HELZ: variants seen among roughly 807,000 people sequenced by gnomAD.
HELZ encodes the protein ATP-dependent RNA helicase with zinc finger domain.
Under a neutral mutation model 218.2 loss-of-function variants are expected in HELZ, and 23 were observed. The observed-to-expected ratio is 0.11, with a 90% confidence interval of 0.08 to 0.15. The LOEUF (loss-of-function observed/expected upper bound fraction) is 0.15. Among genes scored for constraint, HELZ ranks in the 10% least tolerant of loss-of-function variants. HELZ has a pLI of 1.00. For missense variants in HELZ, 1,813 were observed against 2,353.7 expected (o/e 0.77, Z 4.75); for synonymous variants, 814 against 829.4 (o/e 0.98, Z 0.32).
rs536085810 is a variant in HELZ at position 67,120,528 on chromosome 17, G to T, written c.3715C>A (p.Leu1239Ile). The change falls in exon 27 of 33, where the codon CTA becomes ATA. Residue 1239 changes from leucine to isoleucine, a missense_variant. Physicochemically the swap from Leu to Ile is conservative, Grantham distance 5. Around this residue, in one of 4 missense-constraint regions of HELZ, gnomAD observed 938 missense variants for 1,027.5 expected, o/e 0.91. Transcript: ENST00000358691. ...HQAAMAYNMN[L>I]LQTHGRGSPI... The stretch of plus-strand genomic sequence containing the variant: ...GATCCTCGTCCATGTGTCTGTAATA[G>T]GTTCATGTTATAGGCCATTGCTGCC... The T allele has an allele frequency of 1.2e-6, 2 of 1,613,452 alleles. No individual in the cohort carries two copies. Among genetic ancestry groups the T allele is most frequent in the African/African-American group, 2.7e-5 (2 of 74,864 alleles).
chr17:67,094,589 A>G (rs1429709921), intron 31 of HELZ, among the ~76,000 whole-genome samples: 1 of 152,184 alleles, frequency 6.6e-6, no homozygotes, highest in Non-Finnish European at 1.5e-5. Context: ...ATACTATACT[A>G]TAATCTATTA....
intron 13 of HELZ, among the ~76,000 whole-genome samples, chr17:67,169,956 A>C (rs2039260206): frequency 6.6e-6 from 1 of 152,204 alleles, no homozygotes. Flanking sequence ...AAAATCCAAA[A>C]GGGAAAACAA....
chr17:67,142,552 T>A (rs992126545), intron 21 of HELZ, among the ~76,000 whole-genome samples: 7 of 151,998 alleles, frequency 4.6e-5, no homozygotes, highest in South Asian at 4.1e-4. Flanking sequence ...AAACTTTTTT[T>A]AAAAAATCAA....
intron 17 of HELZ, among the ~76,000 whole-genome samples, chr17:67,154,537 G>C (rs1310210359): frequency 6.6e-6 from 1 of 151,844 alleles, no homozygotes; most frequent in Non-Finnish European, 1.5e-5. Flanking sequence ...TTAGACATTG[G>C]AATTCTATTA....
chr17:67,091,983 G>A (rs1469260300), intron 31 of HELZ, among the ~76,000 whole-genome samples: 1 of 152,120 alleles, frequency 6.6e-6, no homozygotes, highest in Non-Finnish European at 1.5e-5. Context: ...ATGGAGCAAG[G>A]AGAGGACTAT....
chr17:67,154,953 T>TA (rs1209259316), intron 17 of HELZ, among the ~76,000 whole-genome samples: 1 of 152,242 alleles, frequency 6.6e-6, no homozygotes, highest in Non-Finnish European at 1.5e-5. Flanking sequence ...AACTTACTGG[T>TA]AAGCAAATAC....
At chr17:67,099,077 G>A (rs140835189) in intron 31 of HELZ, among the ~76,000 whole-genome samples, 101 of 152,142 alleles carry the variant, frequency 6.6e-4, no homozygotes, top group African/African-American at 2.4e-3. Context: ...GTAGCTTTGT[G>A]GGCCCCTAGG....
chr17:67,124,005 G>A lies in HELZ; in HGVS notation c.3397C>T (p.Leu1133Phe), dbSNP rs2037704855. 4 of 1,599,634 alleles carry A rather than the reference G, an allele frequency of 2.5e-6. No homozygotes were observed. In the African/African-American group the frequency reaches 5.4e-5, roughly 21 times the overall value. Residue 1133 changes from leucine (L) to phenylalanine (F), a missense_variant, in exon 25 of 33, where the codon CTT becomes TTT. By Grantham distance (22) the Leu-to-Phe change is conservative (BLOSUM62 0). Around this residue, in one of 4 missense-constraint regions of HELZ, gnomAD observed 938 missense variants for 1,027.5 expected, o/e 0.91. Coordinates refer to ENST00000358691, the MANE Select transcript of HELZ (RefSeq NM_014877.4). Reference sequence around the variant, plus strand: ...AAGTGATCATTCTGGGTATGATGAAGACTTTTCCCCTTTAAAGAAAAACAC... The same window carrying A: ...AAGTGATCATTCTGGGTATGATGAAAACTTTTCCCCTTTAAAGAAAAACAC... ...QQQSPPKGKS[L>F]HHTQNDHFQN...
rs146033286 is a variant in HELZ, at chr17:67,071,519, G to A, written c.*6733C>T. ...AAAACTCCAAAGCTGTATATTCTAC[G>A]ATGGTCTTCACGTGTACTTTTACAC... is the stretch of plus-strand genomic sequence containing the variant. On this transcript the variant is annotated 3_prime_UTR_variant, in exon 33 of 33. Coordinates refer to ENST00000358691, the MANE Select transcript of HELZ (RefSeq NM_014877.4). 3 of 152,286 alleles carry A rather than the reference G, an allele frequency of 2.0e-5. No homozygotes were observed. In the East Asian group the frequency reaches 5.8e-4, roughly 29 times the overall value. 9.4% of individuals were successfully genotyped at this position (152,286 alleles called of 1,614,324 possible). A position where few individuals can be genotyped will look rare whatever the true frequency, so the allele number is the denominator to read the frequency against.
chr17:67,139,278 T>C (rs571352359), intron 21 of HELZ, among the ~76,000 whole-genome samples: 1 of 152,240 alleles, frequency 6.6e-6, no homozygotes, highest in African/African-American at 2.4e-5. Flanking sequence ...ATACACAGAC[T>C]ACCCAGGGAA....
At chr17:67,206,904 G>C (rs1000535490) in intron 5 of HELZ, among the ~76,000 whole-genome samples, 4 of 139,624 alleles carry the variant, frequency 2.9e-5, no homozygotes, top group African/African-American at 8.0e-5. Flanking sequence ...GGGTTTTTTT[G>C]TTTTTTGTTT....
chr17:67,143,228 G>A (rs1269754303), intron 21 of HELZ, among the ~76,000 whole-genome samples: 2 of 152,060 alleles, frequency 1.3e-5, no homozygotes, highest in Non-Finnish European at 2.9e-5. Flanking sequence ...TTGTATATCT[G>A]TACAACTCTG....
Position 67,217,902 on chromosome 17 carries a change from G to GT in HELZ, c.210+692dup, listed in dbSNP as rs35498883. On this transcript the variant is annotated intron_variant, in intron 4 of 32. Transcript: ENST00000358691. ...CTACCTTTTAACAATCTATGGTGGG[G>GT]TTTTTTTTTTGGTTTTTGTTTTTTG... 5.1e-3 allele frequency among the ~76,000 whole-genome samples: 722 copies of GT among 142,458 alleles called. 2 individuals carry two copies. The highest frequency in any genetic ancestry group is 1.0e-2 in the African/African-American group (387 of 38,814). 93.5% of individuals were successfully genotyped at this position (142,458 alleles called of 152,430 possible).
chr17:67,189,758 A>G (rs2039847046), intron 10 of HELZ, 62 bp from the exon 11 acceptor site: 1 of 1,064,908 alleles, frequency 9.4e-7, no homozygotes. Context: ...AAAATCTTTT[A>G]GCATGGAAAA....
intron 5 of HELZ, among the ~76,000 whole-genome samples, chr17:67,211,170 T>C (rs1418236699): frequency 6.6e-6 from 1 of 152,168 alleles, no homozygotes; most frequent in East Asian, 1.9e-4. Flanking sequence ...TTACTCTTAT[T>C]GAAGCAGAAT....
In HELZ at chr17:67,123,174, A is replaced by G. The variant is rs2037671297; in HGVS notation, c.3440-14T>C. ...GATTGGGCTGAACTGAAAAATAAAC[A>G]GAAAAAGGATGCACTCAACAGCTGT... is the stretch of plus-strand genomic sequence containing the variant. On this transcript the variant is annotated splice_polypyrimidine_tract_variant and intron_variant, in intron 25 of 32. Transcript: ENST00000358691. 6.3e-7 allele frequency: 1 copy of G among 1,583,734 alleles called. No homozygotes were observed. The highest frequency in any genetic ancestry group is 8.7e-7 in the Non-Finnish European group (1 of 1,156,024).
At chr17:67,100,048 G>C (rs985468395) in intron 31 of HELZ, among the ~76,000 whole-genome samples, 1 of 152,024 alleles carries the variant, frequency 6.6e-6, no homozygotes, top group Admixed American at 6.6e-5. Context: ...TTTCTACCTC[G>C]TTATACAACA....
intron 17 of HELZ, 131 bp downstream of exon 17, chr17:67,160,130 A>G (rs942725342): frequency 2.8e-5 from 17 of 609,206 alleles, no homozygotes; most frequent in Non-Finnish European, 4.6e-5. Context: ...AGTTTCTTCA[A>G]AAGACATAAC....
At chr17:67,089,563 ATATGAT>A (rs2036495815) in intron 31 of HELZ, among the ~76,000 whole-genome samples, 1 of 150,852 alleles carries the variant, frequency 6.6e-6, no homozygotes, top group African/African-American at 2.4e-5. Context: ...TATGTTATGA[ATATGAT>A]TAATTTTTTA....
Sources: gnomAD v4.1 joint callset for allele counts (sites outside exome capture counted in the v4.1 genomes callset) on GRCh38, gnomAD v4.1.1 for gene constraint, gnomAD v4.1.1 regional missense constraint, MANE v1.5 for transcripts, NCBI Gene and HGNC (gene_info 2026-07-23, HGNC 2026-07-21) for gene names.